The following SORCS1 variants were observed in gnomAD, a reference collection of about 807,000 sequenced individuals.
SORCS1 encodes VPS10 domain-containing receptor SorCS1.
SORCS1 carries 60 observed loss-of-function variants against 146.1 expected under a neutral mutation model. That is an observed-to-expected ratio of 0.41 (90% CI 0.33 to 0.51). SORCS1 has a LOEUF of 0.51. Ranked by LOEUF, SORCS1 falls within the 20% of genes least tolerant of loss-of-function variation. The pLI is 0.21. For missense variants in SORCS1, 1,352 were observed against 1,487.6 expected (o/e 0.91, Z 1.50); for synonymous variants, 637 against 584.0 (o/e 1.09, Z -1.31).
chr10:106,696,496 T>C (rs914879941), intron 9 of SORCS1, among the ~76,000 whole-genome samples: 2 of 152,156 alleles, frequency 1.3e-5, no homozygotes, highest in African/African-American at 4.8e-5. Flanking sequence ...CTGTGAACTG[T>C]CAGGCTAATA....
At chr10:106,932,335 G>C (rs1953463429) in intron 2 of SORCS1, among the ~76,000 whole-genome samples, 1 of 152,030 alleles carries the variant, frequency 6.6e-6, no homozygotes. Flanking sequence ...GCTGCTGATT[G>C]CTCCCCTGAT....
At chr10:106,805,429 G>A (rs1435778300) in intron 3 of SORCS1, among the ~76,000 whole-genome samples, 1 of 152,168 alleles carries the variant, frequency 6.6e-6, no homozygotes, top group African/African-American at 2.4e-5. Flanking sequence ...TAAAGGTCAA[G>A]TAAAGAGAGC....
chr10:106,803,234 G>A (rs1329527897), intron 3 of SORCS1, among the ~76,000 whole-genome samples: 1 of 152,130 alleles, frequency 6.6e-6, no homozygotes, highest in African/African-American at 2.4e-5. Flanking sequence ...CGTGGTTCAA[G>A]AATGAGGGTA....
intron 1 of SORCS1, among the ~76,000 whole-genome samples, chr10:107,130,573 G>C (rs550196237): frequency 1.3e-5 from 2 of 152,240 alleles, no homozygotes; most frequent in African/African-American, 4.8e-5. Context: ...GCTGACAAGA[G>C]CTTCTGTGCA....
At chr10:106,768,933 C>T (rs1859779594) in intron 4 of SORCS1, among the ~76,000 whole-genome samples, 1 of 152,218 alleles carries the variant, frequency 6.6e-6, no homozygotes, top group South Asian at 2.1e-4. Context: ...ATTGTTCCCA[C>T]TTTACAGTTG....
chr10:106,723,103 T>C (rs567509932), intron 6 of SORCS1, among the ~76,000 whole-genome samples: 1 of 152,284 alleles, frequency 6.6e-6, no homozygotes, highest in East Asian at 1.9e-4. Context: ...GGAGGATCGC[T>C]TGAGCCCAGG....
intron 3 of SORCS1, among the ~76,000 whole-genome samples, chr10:106,824,696 C>A (rs1948211890): frequency 6.6e-6 from 1 of 151,774 alleles, no homozygotes; most frequent in Admixed American, 6.6e-5. Flanking sequence ...AATAATCAAA[C>A]CCTTATTTAG....
intron 3 of SORCS1, among the ~76,000 whole-genome samples, chr10:106,815,940 A>G (rs936872939): frequency 6.6e-6 from 1 of 152,226 alleles, no homozygotes; most frequent in African/African-American, 2.4e-5. Flanking sequence ...TGAATTTTAA[A>G]TCAAACGGGG....
At chr10:106,865,851 G>A (rs868137955) in intron 2 of SORCS1, among the ~76,000 whole-genome samples, 2 of 151,652 alleles carry the variant, frequency 1.3e-5, no homozygotes, top group Non-Finnish European at 2.9e-5. Flanking sequence ...TGGCCAACGT[G>A]GTGAAACTCC....
rs769970586 is a variant in SORCS1, at chr10:106,597,394, C to T, written c.3222G>A (p.Lys1074=). ...LNQNSVHFEL[K]PGVRVLVHAA... Reference sequence around the variant, plus strand: ...CATGGACAAGGACTCGGACTCCTGGCTTCAGCTCGAAGTGTACTGAGTTTT... The same window carrying T: ...CATGGACAAGGACTCGGACTCCTGGTTTCAGCTCGAAGTGTACTGAGTTTT... The change falls in exon 24 of 26, where the codon AAG becomes AAA. Residue 1074 remains lysine, a synonymous_variant. Coordinates refer to ENST00000263054, the MANE Select transcript of SORCS1 (RefSeq NM_052918.5). The T allele has an allele frequency of 1.2e-6, 2 of 1,614,030 alleles. No individual in the cohort carries two copies. The highest frequency in any genetic ancestry group is 3.3e-5 in the Admixed American group (2 of 60,010).
intron 2 of SORCS1, among the ~76,000 whole-genome samples, chr10:106,920,978 G>C (rs1952682959): frequency 6.6e-6 from 1 of 152,062 alleles, no homozygotes; most frequent in Non-Finnish European, 1.5e-5. Flanking sequence ...TCCATGGCAT[G>C]CTCCTGGGAA....
At chr10:106,673,118 G>T (rs533239114) in intron 14 of SORCS1, 133 bp from the exon 15 acceptor site, 1 of 638,500 alleles carries the variant, frequency 1.6e-6, no homozygotes, top group Non-Finnish European at 2.6e-6. Context: ...TCCTCAAAAC[G>T]CATTCATGAA....
intron 1 of SORCS1, among the ~76,000 whole-genome samples, chr10:106,979,948 C>A (rs1956184374): frequency 6.6e-6 from 1 of 152,210 alleles, no homozygotes; most frequent in African/African-American, 2.4e-5. Flanking sequence ...AGCCCAGCCA[C>A]ATGGTAGTCC....
At chr10:107,176,813 T>A in the SORCS1 span, among the ~76,000 whole-genome samples, 1 of 152,190 alleles carries the variant, frequency 6.6e-6, no homozygotes. Flanking sequence ...TTCTGTAATA[T>A]TTACCCTTAG....
chr10:107,006,541 G>A (rs1029756913), intron 1 of SORCS1, among the ~76,000 whole-genome samples: 1 of 152,194 alleles, frequency 6.6e-6, no homozygotes, highest in African/African-American at 2.4e-5. Context: ...CTTTCCACCG[G>A]GCATGGTGGC....
At chr10:107,090,984 C>A (rs1179761063) in intron 1 of SORCS1, among the ~76,000 whole-genome samples, 5 of 151,834 alleles carry the variant, frequency 3.3e-5, no homozygotes, top group Non-Finnish European at 1.5e-5. Flanking sequence ...GAAAAGATAG[C>A]CAGTGACCTA....
At chr10:106,658,213 G>A (rs1247946365) in intron 17 of SORCS1, among the ~76,000 whole-genome samples, 4 of 151,850 alleles carry the variant, frequency 2.6e-5, no homozygotes, top group South Asian at 2.1e-4. Context: ...CCTGACATGC[G>A]CCCTGAACCA....
At chr10:107,080,246 G>T (rs1963224287) in intron 1 of SORCS1, among the ~76,000 whole-genome samples, 1 of 152,052 alleles carries the variant, frequency 6.6e-6, no homozygotes, top group South Asian at 2.1e-4. Flanking sequence ...ATGTTGTTTT[G>T]CAGTGTGTAG....
At position 106,620,572 on chromosome 10, in the gene SORCS1, A is replaced by T; in HGVS notation, c.2663-11T>A. On this transcript the variant is annotated splice_polypyrimidine_tract_variant and intron_variant, in intron 19 of 25. Transcript: ENST00000263054. ...CGTGCTCCAAGGGACCTGAGGCACA[A>T]GAGAAAGAGAGGCCATGGATGGGGA... 6.2e-7 allele frequency: 1 copy of T among 1,612,716 alleles called. No homozygotes were observed. Among genetic ancestry groups the T allele is most frequent in the Non-Finnish European group, 8.5e-7 (1 of 1,179,108 alleles).
Sources: gnomAD v4.1 joint callset for allele counts (sites outside exome capture counted in the v4.1 genomes callset) on GRCh38, gnomAD v4.1.1 for gene constraint, MANE v1.5 for transcripts, NCBI Gene and HGNC (gene_info 2026-07-23, HGNC 2026-07-21) for gene names.